SCAI: variants seen among roughly 807,000 people sequenced by gnomAD.
The protein encoded by SCAI is suppressor of cancer cell invasion.
In SCAI, 24 loss-of-function variants were observed where a neutral mutation model predicts 92.2. The observed-to-expected ratio is 0.26, with a 90% CI of 0.19 to 0.37. SCAI has a LOEUF of 0.37. Among genes scored for constraint, SCAI ranks in the 10% least tolerant of loss-of-function variants. The pLI is 1.00. For synonymous variants in SCAI, 261 were observed against 258.6 expected, an observed-to-expected ratio of 1.01 and a Z score of -0.09; for missense variants, 450 against 736.2, an observed-to-expected ratio of 0.61 and a Z score of 4.50.
chr9:125,040,281 C>T (rs941630434), intron 3 of SCAI, among the ~76,000 whole-genome samples: 7 of 152,084 alleles, frequency 4.6e-5, no homozygotes, highest in African/African-American at 1.7e-4. Flanking sequence ...TGCTTGAACC[C>T]TGGAGGTCAA....
At chr9:125,040,416 C>T (rs1833295562) in intron 3 of SCAI, among the ~76,000 whole-genome samples, 1 of 152,080 alleles carries the variant, frequency 6.6e-6, no homozygotes, top group African/African-American at 2.4e-5. Flanking sequence ...TAAGTATATA[C>T]ATGAGTTTTT....
chr9:125,023,676 A>G (rs1194728002), intron 6 of SCAI, among the ~76,000 whole-genome samples: 1 of 152,134 alleles, frequency 6.6e-6, no homozygotes, highest in Admixed American at 6.6e-5. Flanking sequence ...TGTAAAAAAA[A>G]AAAAAGAAAA....
intron 17 of SCAI, among the ~76,000 whole-genome samples, chr9:124,960,186 T>C (rs1831411341): frequency 6.6e-6 from 1 of 152,174 alleles, no homozygotes; most frequent in Non-Finnish European, 1.5e-5. Context: ...CAAAGGCTTG[T>C]ACAAGCCTTT....
intron 2 of SCAI, among the ~76,000 whole-genome samples, chr9:125,095,362 T>C (rs1834524166): frequency 6.6e-6 from 1 of 152,258 alleles, no homozygotes; most frequent in South Asian, 2.1e-4. Flanking sequence ...CATTAAGTTG[T>C]GTCTCAAATT....
At chr9:125,047,806 A>G (rs1190930254) in intron 3 of SCAI, among the ~76,000 whole-genome samples, 1 of 152,220 alleles carries the variant, frequency 6.6e-6, no homozygotes, top group East Asian at 1.9e-4. Context: ...ACAATGTAAA[A>G]TATCACTAAT....
In SCAI at chr9:124,994,923, A is replaced by G. The variant is rs1373608348; in HGVS notation, c.1326+11T>C. On this transcript the variant is annotated intron_variant, in intron 14 of 17. Transcript: ENST00000336505. Reference sequence around the variant, plus strand: ...AATGTCTACCTGTGCAATAGCTCTCATGGAACTCACCTTATACGCAACACT... The same window carrying G: ...AATGTCTACCTGTGCAATAGCTCTCGTGGAACTCACCTTATACGCAACACT... 5.0e-6 allele frequency: 8 copies of G among 1,602,430 alleles called. No individual in the cohort carries two copies. Among genetic ancestry groups the G allele is most frequent in the Non-Finnish European group, 6.0e-6 (7 of 1,170,758 alleles).
At chr9:125,018,576 TA>T (rs1360818878) in intron 9 of SCAI, among the ~76,000 whole-genome samples, 1 of 152,240 alleles carries the variant, frequency 6.6e-6, no homozygotes, top group African/African-American at 2.4e-5. Flanking sequence ...ATGGCAAGTT[TA>T]TTTTCATTTA....
chr9:125,016,287 C>G (rs1832758043), intron 9 of SCAI, among the ~76,000 whole-genome samples: 1 of 150,484 alleles, frequency 6.6e-6, no homozygotes, highest in African/African-American at 2.4e-5. Context: ...ACTAGGAAGG[C>G]TGAGGCAGGA....
intron 2 of SCAI, among the ~76,000 whole-genome samples, chr9:125,093,153 G>A (rs1326572970): frequency 6.6e-6 from 1 of 152,162 alleles, no homozygotes; most frequent in Non-Finnish European, 1.5e-5. Context: ...TTGAGGTCAG[G>A]AGTTCAAGAC....
At chr9:125,133,207 T>G (rs1195170720) in intron 2 of SCAI, among the ~76,000 whole-genome samples, 1 of 152,074 alleles carries the variant, frequency 6.6e-6, no homozygotes, top group Non-Finnish European at 1.5e-5. Context: ...CTAGGCAACA[T>G]GGCGAAACCC....
intron 2 of SCAI, among the ~76,000 whole-genome samples, chr9:125,089,750 G>C (rs1363524691): frequency 1.3e-5 from 2 of 152,024 alleles, no homozygotes; most frequent in East Asian, 3.9e-4. Context: ...TGTCACCCAG[G>C]CTGGAATGTA....
rs1299930738 is a variant in SCAI at position 125,106,096 on chromosome 9, C to CACAAAAA, written c.98+36536_98+36537insTTTTTGT. ...TGCGTGACAGAGTGAGACTCCATCTCAAAAAAAAAAAAAAAAAAAAAAAAA... is the reference window on the plus strand; with the variant it reads ...TGCGTGACAGAGTGAGACTCCATCTCACAAAAAAAAAAAAAAAAAAAAAAAAAAAAAA... On this transcript the variant is annotated intron_variant, in intron 2 of 17. Coordinates refer to ENST00000336505, the MANE Select transcript of SCAI (RefSeq NM_001144877.3). Among the ~76,000 whole-genome samples, 54 of 18,770 alleles carry CACAAAAA rather than the reference C, an allele frequency of 2.9e-3. 11 individuals carry two copies. Among genetic ancestry groups the CACAAAAA allele is most frequent in the African/African-American group, 0.011 (51 of 4,532 alleles). The allele number at this position is 18,770 out of a possible 152,430, so 12.3% of individuals were successfully genotyped here. A position where few individuals can be genotyped will look rare whatever the true frequency, so the allele number is the denominator to read the frequency against.
chr9:125,070,323 G>A (rs1029963904), intron 2 of SCAI, among the ~76,000 whole-genome samples: 1 of 151,672 alleles, frequency 6.6e-6, no homozygotes, highest in Non-Finnish European at 1.5e-5. Flanking sequence ...TTACCACAGT[G>A]TGAAGCATCT....
intron 2 of SCAI, among the ~76,000 whole-genome samples, chr9:125,089,360 C>G (rs1834383507): frequency 6.6e-6 from 1 of 152,104 alleles, no homozygotes; most frequent in Non-Finnish European, 1.5e-5. Context: ...CCCAAAAAAG[C>G]AGGAAAAGGT....
chr9:125,082,166 C>T (rs1834234572), intron 2 of SCAI, among the ~76,000 whole-genome samples: 1 of 152,176 alleles, frequency 6.6e-6, no homozygotes, highest in South Asian at 2.1e-4. Context: ...GACTTGGTGC[C>T]CTGCATCCCA....
At chr9:125,019,868 G>A (rs988545644) in intron 7 of SCAI, among the ~76,000 whole-genome samples, 2 of 151,958 alleles carry the variant, frequency 1.3e-5, no homozygotes, top group Non-Finnish European at 2.9e-5. Context: ...GAACTCATGA[G>A]TTTCAGACCA....
chr9:125,123,130 G>C (rs1348010193), intron 2 of SCAI, among the ~76,000 whole-genome samples: 1 of 152,148 alleles, frequency 6.6e-6, no homozygotes, highest in Non-Finnish European at 1.5e-5. Context: ...GGGAGGCCAA[G>C]GTAGGCAGAT....
intron 17 of SCAI, among the ~76,000 whole-genome samples, chr9:124,962,170 T>TTG (rs1554774807): frequency 7.5e-4 from 63 of 84,086 alleles, no homozygotes; most frequent in East Asian, 2.8e-3. Context: ...TTTTTTTTTT[T>TTG]GCGGGGGGGG....
At chr9:125,036,681 G>A (rs1221823916) in intron 3 of SCAI, among the ~76,000 whole-genome samples, 1 of 152,140 alleles carries the variant, frequency 6.6e-6, no homozygotes, top group Non-Finnish European at 1.5e-5. Context: ...GAGCACAAAA[G>A]GTATGTATAG....
Sources: allele counts gnomAD v4.1 joint callset (sites outside exome capture counted in the v4.1 genomes callset), GRCh38; gene constraint gnomAD v4.1.1; transcripts MANE v1.5; gene names NCBI Gene and HGNC (gene_info 2026-07-23, HGNC 2026-07-21).